The following UTP18 variants were observed in gnomAD, a reference collection of about 807,000 sequenced individuals.
UTP18 encodes UTP18 small subunit processome component.
A neutral mutation model predicts 61.1 loss-of-function variants in UTP18; 36 were observed. The ratio of observed to expected loss-of-function variants is 0.59; its 90% CI spans 0.45 to 0.78. UTP18 has a LOEUF of 0.78. UTP18 is among the 30% of genes least tolerant of loss of function. UTP18 has a pLI of 0.00. For synonymous variants in UTP18, 282 were observed against 251.1 expected (o/e 1.12, Z -1.16); for missense variants, 753 against 693.9 (o/e 1.09, Z -0.96).
At chr17:51,263,443 C>A (rs2055528524) in intron 2 of UTP18, 57 bp downstream of exon 2, 4 of 1,278,880 alleles carry the variant, frequency 3.1e-6, no homozygotes, top group African/African-American at 1.5e-5. Flanking sequence ...AGTTATTTTG[C>A]AGATTTTAAA....
intron 11 of UTP18, among the ~76,000 whole-genome samples, chr17:51,291,348 T>C (rs767500503): frequency 4.6e-5 from 7 of 152,214 alleles, no homozygotes; most frequent in African/African-American, 2.4e-5. Flanking sequence ...GAGATTACAC[T>C]GGGGAATTTT....
At position 51,288,177 on chromosome 17, in the gene UTP18, GA is replaced by G; in HGVS notation, c.1483del (p.Met495Ter). ...PTTEILAIAS[E>X]KMKEAVRLVH... ...TACAGAAATCTTGGCAATTGCTTCAGAAAAAATGAAAGAAGCAGTCAGATTG... is the reference window on the plus strand; with the variant it reads ...TACAGAAATCTTGGCAATTGCTTCAGAAAAATGAAAGAAGCAGTCAGATTG... On this transcript the variant is annotated frameshift_variant, in exon 11 of 14. Coordinates refer to ENST00000225298, the MANE Select transcript of UTP18 (RefSeq NM_016001.3). LOFTEE classifies it high-confidence loss of function. 1 of 1,590,584 alleles carries G rather than the reference GA, an allele frequency of 6.3e-7. No homozygotes were observed. Among genetic ancestry groups the G allele is most frequent in the Non-Finnish European group, 8.5e-7 (1 of 1,173,906 alleles).
intron 4 of UTP18, among the ~76,000 whole-genome samples, chr17:51,272,875 CA>C (rs1264412816): frequency 6.6e-6 from 1 of 152,118 alleles, no homozygotes; most frequent in African/African-American, 2.4e-5. Flanking sequence ...CAGTCATCTC[CA>C]GGGGGAAAAG....
At chr17:51,262,991 C>T (rs1360618574) in intron 1 of UTP18, among the ~76,000 whole-genome samples, 2 of 152,212 alleles carry the variant, frequency 1.3e-5, no homozygotes, top group African/African-American at 4.8e-5. Flanking sequence ...GCAGACTCAT[C>T]TTTTGTTCTT....
chr17:51,294,151 G>C, intron 12 of UTP18, 106 bp downstream of exon 12: 1 of 887,154 alleles, frequency 1.1e-6, no homozygotes, highest in Non-Finnish European at 1.5e-6. Context: ...ATTCTAGTCT[G>C]TTTATCTTGA....
At chr17:51,289,339 G>A (rs1010870807) in intron 11 of UTP18, among the ~76,000 whole-genome samples, 1 of 151,208 alleles carries the variant, frequency 6.6e-6, no homozygotes, top group African/African-American at 2.4e-5. Context: ...TGGGATTATA[G>A]GCATGCGCCA....
rs139474786 is a variant in UTP18, at chr17:51,262,374, G to A, written c.343-900G>A. On this transcript the variant is annotated intron_variant, in intron 1 of 13. Coordinates refer to ENST00000225298, the MANE Select transcript of UTP18 (RefSeq NM_016001.3). ...GCTGAGACTACAAGTGTGAGCCACC[G>A]CACCCGGCCTAGGTTTAGATTTGAT... is the stretch of plus-strand genomic sequence containing the variant. 6.2e-3 allele frequency among the ~76,000 whole-genome samples: 943 copies of A among 152,156 alleles called. 6 individuals are homozygous for A. Among genetic ancestry groups the A allele is most frequent in the Non-Finnish European group, 0.011 (715 of 68,002 alleles).
At position 51,273,344 on chromosome 17, in the gene UTP18, T is replaced by A; in HGVS notation, c.623-18T>A. 1 of 1,595,216 alleles carries A rather than the reference T, an allele frequency of 6.3e-7. No individual in the cohort carries two copies. Among genetic ancestry groups the A allele is most frequent in the Non-Finnish European group, 8.5e-7 (1 of 1,169,804 alleles). On this transcript the variant is annotated intron_variant, in intron 4 of 13. Transcript: ENST00000225298. Reference sequence around the variant, plus strand: ...TCATTGATTCTAAAGATCAGCCTTCTGGGTTTGTTTGACTTAGATGAAAGT... The same window carrying A: ...TCATTGATTCTAAAGATCAGCCTTCAGGGTTTGTTTGACTTAGATGAAAGT...
intron 6 of UTP18, among the ~76,000 whole-genome samples, chr17:51,276,607 G>C (rs947798468): frequency 1.3e-5 from 2 of 152,186 alleles, no homozygotes; most frequent in African/African-American, 2.4e-5. Context: ...ATAAACAACA[G>C]ACCTGGCCCT....
intron 3 of UTP18, among the ~76,000 whole-genome samples, chr17:51,268,010 T>TG (rs1160524537): frequency 6.1e-5 from 9 of 147,490 alleles, no homozygotes; most frequent in African/African-American, 2.3e-4. Flanking sequence ...GTTTTTTGTT[T>TG]TTTGTTTTTT....
rs1904759521 is a variant in UTP18, at chr17:51,277,256, G to A, written c.964G>A (p.Val322Ile). ...ATSTHSKVLY[V>I]YDMLAGKLIP... is the part of the protein sequence containing the mutation. Reference sequence around the variant, plus strand: ...GAGTACCCACAGCAAGGTTCTTTATGTCTATGACATGCTGGCTGGAAAGTT... The same window carrying A: ...GAGTACCCACAGCAAGGTTCTTTATATCTATGACATGCTGGCTGGAAAGTT... Residue 322 changes from valine to isoleucine, a missense_variant, in exon 7 of 14, where the codon GTC (valine) becomes ATC (isoleucine). Transcript: ENST00000225298. 1 of 1,614,186 alleles carries A rather than the reference G, an allele frequency of 6.2e-7. No individual in the cohort carries two copies. Among genetic ancestry groups the A allele is most frequent in the East Asian group, 2.2e-5 (1 of 44,878 alleles).
intron 11 of UTP18, chr17:51,288,548 G>T (rs773839759): frequency 1.3e-5 from 6 of 459,658 alleles, no homozygotes; most frequent in Non-Finnish European, 2.2e-5. Context: ...CCTTTTTAAG[G>T]CCTGTTGTCT....
In UTP18 at chr17:51,288,089, A is replaced by C; in HGVS notation, c.1389A>C (p.Pro463=). 1 of 1,610,330 alleles carries C rather than the reference A, an allele frequency of 6.2e-7. No individual in the cohort carries two copies. Residue 463 remains proline, a synonymous_variant, in exon 11 of 14, where the codon CCA becomes CCC. Transcript: ENST00000225298. ...NQDSCLQETN[P]KPIKAIMNLV... is the part of the protein sequence containing the mutation. ...ATTCTTGTCTCCAAGAAACAAACCCAAAGCCAATAAAAGCTATAATGAACT... is the reference window on the plus strand; with the variant it reads ...ATTCTTGTCTCCAAGAAACAAACCCCAAGCCAATAAAAGCTATAATGAACT...
chr17:51,260,945 C>G lies in UTP18; in HGVS notation c.342+19C>G, dbSNP rs1467838972. The stretch of plus-strand genomic sequence containing the variant: ...CCCGAGGGTGAGGGAGGCCGCGGCG[C>G]GCGGGCTGGGCGCACTCGGGCGGGG... On this transcript the variant is annotated intron_variant, in intron 1 of 13. Coordinates refer to ENST00000225298, the MANE Select transcript of UTP18 (RefSeq NM_016001.3). 1 of 1,519,280 alleles carries G rather than the reference C, an allele frequency of 6.6e-7. No individual in the cohort carries two copies. The highest frequency in any genetic ancestry group is 1.2e-5 in the South Asian group (1 of 81,424). 94.1% of individuals were successfully genotyped at this position (1,519,280 alleles called of 1,614,324 possible).
At chr17:51,265,353 T>A (rs1376657013) in intron 2 of UTP18, among the ~76,000 whole-genome samples, 1 of 151,868 alleles carries the variant, frequency 6.6e-6, no homozygotes, top group African/African-American at 2.4e-5. Context: ...AGCTTCTGCT[T>A]CCCAGGTTCA....
chr17:51,279,141 G>C (rs572535398), intron 7 of UTP18, among the ~76,000 whole-genome samples: 1 of 152,022 alleles, frequency 6.6e-6, no homozygotes, highest in East Asian at 1.9e-4. Flanking sequence ...ATATTCACAC[G>C]GTGTTAAAAA....
At chr17:51,291,220 C>T (rs770131768) in intron 11 of UTP18, among the ~76,000 whole-genome samples, 11 of 152,024 alleles carry the variant, frequency 7.2e-5, no homozygotes, top group Non-Finnish European at 1.5e-4. Flanking sequence ...AGGCATTTTT[C>T]CTAATTAATA....
chr17:51,273,336 C>G, intron 4 of UTP18, 26 bp from the exon 5 acceptor site: 2 of 1,571,940 alleles, frequency 1.3e-6, no homozygotes. Context: ...TTCTAAAGAT[C>G]AGCCTTCTGG....
chr17:51,267,280 T>C (rs548478534), intron 3 of UTP18, among the ~76,000 whole-genome samples: 1 of 152,184 alleles, frequency 6.6e-6, no homozygotes, highest in Non-Finnish European at 1.5e-5. Flanking sequence ...ATCTTTTAAG[T>C]GTTCAGACCT....
Sources: allele counts gnomAD v4.1 joint callset (sites outside exome capture counted in the v4.1 genomes callset), GRCh38; gene constraint gnomAD v4.1.1; transcripts MANE v1.5; gene names NCBI Gene and HGNC (gene_info 2026-07-23, HGNC 2026-07-21).